The following RIT2 variants were observed in gnomAD, a reference collection of about 807,000 sequenced individuals.
RIT2 encodes Ras like without CAAX 2, also known as GTP-binding protein Rit2.
A neutral mutation model predicts 23.7 loss-of-function variants in RIT2; 24 were observed. The ratio of observed to expected loss-of-function variants is 1.01; its 90% CI spans 0.73 to 1.43. The LOEUF is 1.43. Among genes scored for constraint, RIT2 ranks in the 40% most tolerant of loss-of-function variants. RIT2 has a pLI of 0.00. For missense variants in RIT2, 236 were observed against 266.9 expected, an observed-to-expected ratio of 0.88 and a Z score of 0.81; for synonymous variants, 107 against 91.1, an observed-to-expected ratio of 1.17 and a Z score of -0.99.
At chr18:42,905,654 G>C (rs537223228) in intron 4 of RIT2, among the ~76,000 whole-genome samples, 2 of 152,026 alleles carry the variant, frequency 1.3e-5, no homozygotes, top group African/African-American at 4.8e-5. Flanking sequence ...TGTGTTTTTA[G>C]TGGAGATGGG....
At chr18:42,880,518 G>A (rs776847885) in intron 4 of RIT2, among the ~76,000 whole-genome samples, 7 of 151,956 alleles carry the variant, frequency 4.6e-5, no homozygotes, top group Non-Finnish European at 8.8e-5. Context: ...TGTGGCATCC[G>A]CATTATTGAT....
chr18:42,982,719 CT>C (rs1319906647), intron 2 of RIT2, among the ~76,000 whole-genome samples: 3 of 152,034 alleles, frequency 2.0e-5, no homozygotes, highest in Non-Finnish European at 4.4e-5. Flanking sequence ...AGGATAGTGT[CT>C]TTTGAGATTA....
In RIT2 at chr18:42,786,408, T is replaced by C. The variant is rs145670670; in HGVS notation, c.427-42688A>G. On this transcript the variant is annotated intron_variant, in intron 4 of 4. Transcript: ENST00000326695. ...AAGTAAATATATTTATAGAATAATTTTACATCACTACCATTATGCCTTTAG... is the reference window on the plus strand; with the variant it reads ...AAGTAAATATATTTATAGAATAATTCTACATCACTACCATTATGCCTTTAG... Among the ~76,000 whole-genome samples the C allele has an allele frequency of 4.6e-3, 699 of 152,310 alleles. 6 individuals are homozygous for C. The highest frequency in any genetic ancestry group is 0.016 in the African/African-American group (662 of 41,562).
chr18:43,018,064 G>C (rs1358126715), intron 2 of RIT2, among the ~76,000 whole-genome samples: 1 of 151,998 alleles, frequency 6.6e-6, no homozygotes, highest in East Asian at 1.9e-4. Context: ...AGTTAGTAAG[G>C]GGGTGCCCTA....
At chr18:42,925,821 CAT>C (rs1343015528) in intron 3 of RIT2, among the ~76,000 whole-genome samples, 3 of 151,540 alleles carry the variant, frequency 2.0e-5, no homozygotes, top group Non-Finnish European at 4.4e-5. Flanking sequence ...CAATGGGAAA[CAT>C]AATATATACC....
At chr18:42,984,046 ATTTAT>A (rs1291393412) in intron 2 of RIT2, among the ~76,000 whole-genome samples, 5 of 152,126 alleles carry the variant, frequency 3.3e-5, no homozygotes, top group African/African-American at 1.2e-4. Flanking sequence ...ACTCCTGAGC[ATTTAT>A]TTTAGAGAAA....
chr18:42,799,638 A>G (rs1905469385), intron 4 of RIT2, among the ~76,000 whole-genome samples: 1 of 152,226 alleles, frequency 6.6e-6, no homozygotes, highest in Non-Finnish European at 1.5e-5. Context: ...AATACAATGA[A>G]GACTAAAATC....
chr18:42,869,400 C>G (rs1268427252), intron 4 of RIT2, among the ~76,000 whole-genome samples: 1 of 152,228 alleles, frequency 6.6e-6, no homozygotes, highest in Non-Finnish European at 1.5e-5. Flanking sequence ...CGGATCAGTA[C>G]AGGTCCATTG....
rs145846629 is a variant in RIT2 at position 42,803,655 on chromosome 18, T to C, written c.427-59935A>G. Among the ~76,000 whole-genome samples, 71 of 152,304 alleles carry C rather than the reference T, an allele frequency of 4.7e-4. 1 individual carries two copies. The East Asian group carries it at 0.014, about 29-fold the overall frequency. On this transcript the variant is annotated intron_variant, in intron 4 of 4. Transcript: ENST00000326695. ...GCAACTCCACCTAATTTAAGCAGTA[T>C]AAAATAATACAGCATGTTTTATGGG...
intron 1 of RIT2, among the ~76,000 whole-genome samples, chr18:43,050,485 G>T (rs1445089542): frequency 1.3e-5 from 2 of 152,116 alleles, no homozygotes; most frequent in African/African-American, 4.8e-5. Context: ...AGTAGAGGTG[G>T]TGTGGTGTTA....
rs116395727 is a variant in RIT2 at position 42,772,392 on chromosome 18, C to A, written c.427-28672G>T. The stretch of plus-strand genomic sequence containing the variant: ...CACTTTCTTTCATTCCAAACATAAA[C>A]CTCTTGCTTAGTTTTATTAAGAATT... On this transcript the variant is annotated intron_variant, in intron 4 of 4. Coordinates refer to ENST00000326695, the MANE Select transcript of RIT2 (RefSeq NM_002930.4). Among the ~76,000 whole-genome samples the A allele has an allele frequency of 6.2e-3, 945 of 152,220 alleles. 11 individuals carry two copies. Among genetic ancestry groups the A allele is most frequent in the Non-Finnish European group, 9.7e-3 (660 of 68,010 alleles).
At chr18:42,892,438 C>G (rs1345107517) in intron 4 of RIT2, among the ~76,000 whole-genome samples, 1 of 152,144 alleles carries the variant, frequency 6.6e-6, no homozygotes, top group Non-Finnish European at 1.5e-5. Flanking sequence ...ATAATAAACT[C>G]TGTTCTCAGA....
intron 1 of RIT2, among the ~76,000 whole-genome samples, chr18:43,105,591 C>T (rs1189100003): frequency 4.0e-5 from 6 of 150,210 alleles, no homozygotes; most frequent in Non-Finnish European, 7.4e-5. Context: ...TTTCCAATGT[C>T]ATCTACCCAG....
chr18:42,985,987 A>C (rs147537042), intron 2 of RIT2, among the ~76,000 whole-genome samples: 4 of 152,078 alleles, frequency 2.6e-5, no homozygotes, highest in Admixed American at 2.0e-4. Flanking sequence ...TTATGAAATA[A>C]AGTGGGTGTA....
intron 2 of RIT2, among the ~76,000 whole-genome samples, chr18:42,981,874 TAAAG>T (rs1480437598): frequency 2.6e-5 from 4 of 152,052 alleles, no homozygotes; most frequent in Non-Finnish European, 5.9e-5. Context: ...ACTATATTCA[TAAAG>T]AAATAGGTCA....
chr18:43,095,195 C>T (rs1913523290), intron 1 of RIT2, among the ~76,000 whole-genome samples: 1 of 152,084 alleles, frequency 6.6e-6, no homozygotes, highest in South Asian at 2.1e-4. Flanking sequence ...AAAAGCGTTC[C>T]TATTTCTCCA....
At chr18:43,033,476 T>C (rs553506052) in intron 2 of RIT2, among the ~76,000 whole-genome samples, 20 of 152,286 alleles carry the variant, frequency 1.3e-4, no homozygotes, top group African/African-American at 4.6e-4. Context: ...ATCACATCAA[T>C]TTTATTATCC....
intron 3 of RIT2, among the ~76,000 whole-genome samples, chr18:42,965,058 G>A (rs972956109): frequency 1.2e-4 from 19 of 152,058 alleles, no homozygotes; most frequent in African/African-American, 4.3e-4. Context: ...GGTACATCTT[G>A]GCTATGTTGC....
At chr18:42,795,754 C>T (rs1036878785) in intron 4 of RIT2, among the ~76,000 whole-genome samples, 32 of 152,322 alleles carry the variant, frequency 2.1e-4, no homozygotes, top group Admixed American at 1.2e-3. Flanking sequence ...ATACACCAAT[C>T]GGCACTCTGT....
Sources: allele counts gnomAD v4.1 joint callset (sites outside exome capture counted in the v4.1 genomes callset), GRCh38; gene constraint gnomAD v4.1.1; transcripts MANE v1.5; gene names NCBI Gene and HGNC (gene_info 2026-07-23, HGNC 2026-07-21).